Variants in ING4 observed in about 807,000 individuals in gnomAD.
ING4 encodes the protein inhibitor of growth family member 4.
In ING4, 28 loss-of-function variants were observed where a neutral mutation model predicts 33.1. The observed-to-expected ratio is 0.85, with a 90% confidence interval of 0.63 to 1.16. The LOEUF is 1.16. Ranked by LOEUF, ING4 falls within the 50% of genes most tolerant of loss-of-function variation. The pLI is 0.00. For missense variants in ING4, 247 were observed against 314.7 expected (o/e 0.78, Z 1.63); for synonymous variants, 87 against 104.4 (o/e 0.83, Z 1.02).
chr12:6,652,774 G>C lies in ING4; in HGVS notation c.392-7C>G. ...TTCTCCTTTTGAGTCCGGCCTTCTA[G>C]GGAAGAGGGAGAAAGCCAGAAGGCA... is the stretch of plus-strand genomic sequence containing the variant. On this transcript the variant is annotated splice_region_variant and splice_polypyrimidine_tract_variant and intron_variant, in intron 4 of 7. Coordinates refer to ENST00000341550, the MANE Select transcript of ING4 (RefSeq NM_016162.4). 6.2e-7 allele frequency: 1 copy of C among 1,613,566 alleles called. No individual in the cohort carries two copies. Among genetic ancestry groups the C allele is most frequent in the Non-Finnish European group, 8.5e-7 (1 of 1,179,630 alleles).
Position 6,659,462 on chromosome 12 carries a change from G to A in ING4, c.38-2664C>T, listed in dbSNP as rs146174641. 4.0e-3 allele frequency among the ~76,000 whole-genome samples: 612 copies of A among 151,916 alleles called. 3 individuals are homozygous for A. The highest frequency in any genetic ancestry group is 0.014 in the African/African-American group (573 of 41,408). On this transcript the variant is annotated intron_variant, in intron 1 of 7. Transcript: ENST00000341550. ...GTGGAGGTTGCAGTGAGCTGAGATC[G>A]CACCACTGCACTTCAGCCTGGGTGA...
intron 1 of ING4, among the ~76,000 whole-genome samples, chr12:6,659,826 A>AG: frequency 6.6e-6 from 1 of 151,778 alleles, no homozygotes; most frequent in East Asian, 1.9e-4. Flanking sequence ...AAAAAAAAAA[A>AG]AAAATAGATG....
chr12:6,656,167 T>G (rs149962987), intron 2 of ING4, among the ~76,000 whole-genome samples: 2 of 147,342 alleles, frequency 1.4e-5, no homozygotes, highest in Non-Finnish European at 3.0e-5. Context: ...TTTCTTTAAT[T>G]CTTCTTTTTT....
At chr12:6,659,965 A>G (rs1244685544) in intron 1 of ING4, among the ~76,000 whole-genome samples, 1 of 152,112 alleles carries the variant, frequency 6.6e-6, no homozygotes, top group Non-Finnish European at 1.5e-5. Context: ...AAAAAAATTA[A>G]AAAAAATAAT....
Position 6,660,691 on chromosome 12 carries a change from A to G in ING4, c.37+2374T>C, listed in dbSNP as rs1949520166. Among the ~76,000 whole-genome samples the G allele has an allele frequency of 5.3e-5, 8 of 152,340 alleles. No homozygotes were observed. In the South Asian group the frequency reaches 1.7e-3, roughly 32 times the overall value. Reference sequence around the variant, plus strand: ...CTCTACTGTTTAAACCTACAACTTCAGGTCTGCTACCACCAGTTCACAAGA... The same window carrying G: ...CTCTACTGTTTAAACCTACAACTTCGGGTCTGCTACCACCAGTTCACAAGA... On this transcript the variant is annotated intron_variant, in intron 1 of 7. Coordinates refer to ENST00000341550, the MANE Select transcript of ING4 (RefSeq NM_016162.4).
Position 6,650,779 on chromosome 12 carries a change from G to A in ING4, c.*416C>T, listed in dbSNP as rs1181077182. The A allele has an allele frequency of 5.6e-6, 1 of 177,960 alleles. No individual in the cohort carries two copies. Among genetic ancestry groups the A allele is most frequent in the Non-Finnish European group, 1.2e-5 (1 of 82,796 alleles). The allele number at this position is 177,960 out of a possible 1,614,324, so 11.0% of individuals were successfully genotyped here. A position where few individuals can be genotyped will look rare whatever the true frequency, so the allele number is the denominator to read the frequency against. On this transcript the variant is annotated 3_prime_UTR_variant, in exon 8 of 8. Coordinates refer to ENST00000341550, the MANE Select transcript of ING4 (RefSeq NM_016162.4). ...AAAAAAGCAGGAAGGGAATGGAGAA[G>A]AAAAGTGTTGATCACACCTAGCCCT...
At chr12:6,662,821 C>A (rs1490979578) in intron 1 of ING4, among the ~76,000 whole-genome samples, 3 of 152,148 alleles carry the variant, frequency 2.0e-5, no homozygotes, top group Non-Finnish European at 4.4e-5. Flanking sequence ...TGGCCATGCA[C>A]ACTAGCCCTT....
At chr12:6,653,756 T>C (rs545909628) in intron 2 of ING4, among the ~76,000 whole-genome samples, 1 of 152,350 alleles carries the variant, frequency 6.6e-6, no homozygotes, top group South Asian at 2.1e-4. Context: ...AGCCATTGTT[T>C]CCTTCTCAAA....
At chr12:6,652,198 G>T in intron 6 of ING4, 73 bp downstream of exon 6, 1 of 1,521,828 alleles carries the variant, frequency 6.6e-7, no homozygotes, top group South Asian at 1.2e-5. Context: ...ACTCAACTGT[G>T]GGATTTTCCC....
intron 1 of ING4, among the ~76,000 whole-genome samples, chr12:6,658,348 C>T (rs527552409): frequency 3.0e-4 from 46 of 152,144 alleles, no homozygotes; most frequent in Non-Finnish European, 5.6e-4. Context: ...ACACATAACA[C>T]TTCCAATCTA....
At chr12:6,652,240 AC>A in intron 6 of ING4, 30 bp downstream of exon 6, 2 of 1,606,100 alleles carry the variant, frequency 1.2e-6, no homozygotes, top group Non-Finnish European at 1.7e-6. Flanking sequence ...GCCCCTCACA[AC>A]CCCCCATCCT....
chr12:6,660,842 G>A (rs1364944419), intron 1 of ING4, among the ~76,000 whole-genome samples: 1 of 152,162 alleles, frequency 6.6e-6, no homozygotes, highest in Non-Finnish European at 1.5e-5. Flanking sequence ...TTGAGGTGTA[G>A]TGTCGCTCTT....
At chr12:6,662,873 C>G (rs1157306827) in intron 1 of ING4, among the ~76,000 whole-genome samples, 192 bp downstream of exon 1, 2 of 152,118 alleles carry the variant, frequency 1.3e-5, no homozygotes, top group Non-Finnish European at 2.9e-5. Context: ...CCTCCCTCGT[C>G]TACACCCATC....
chr12:6,659,274 G>A (rs1347772954), intron 1 of ING4, among the ~76,000 whole-genome samples: 1 of 152,058 alleles, frequency 6.6e-6, no homozygotes, highest in Non-Finnish European at 1.5e-5. Context: ...CAAAAATTAG[G>A]GCCAGGCACG....
chr12:6,661,420 T>G (rs1054376070), intron 1 of ING4, among the ~76,000 whole-genome samples: 17 of 148,132 alleles, frequency 1.1e-4, no homozygotes, highest in African/African-American at 4.3e-4. Flanking sequence ...TTTTTTTTTT[T>G]TTTTTTTTTG....
intron 1 of ING4, among the ~76,000 whole-genome samples, chr12:6,657,393 G>A (rs1949393932): frequency 6.6e-6 from 1 of 152,030 alleles, no homozygotes; most frequent in African/African-American, 2.4e-5. Flanking sequence ...AGTTTGCAGT[G>A]AGCCGAGATC....
rs772498435 is a variant in ING4 at position 6,651,146 on chromosome 12, C to T, written c.*49G>A. On this transcript the variant is annotated 3_prime_UTR_variant, in exon 8 of 8. Coordinates refer to ENST00000341550, the MANE Select transcript of ING4 (RefSeq NM_016162.4). ...CACAGGCATTCCTCTGCCCACTAGCCCAAGTCAGGGGATGTGGAAGAAACT... is the reference window on the plus strand; with the variant it reads ...CACAGGCATTCCTCTGCCCACTAGCTCAAGTCAGGGGATGTGGAAGAAACT... 8.1e-6 allele frequency: 13 copies of T among 1,605,396 alleles called. No homozygotes were observed.
At chr12:6,662,617 A>G (rs1471346144) in intron 1 of ING4, among the ~76,000 whole-genome samples, 2 of 152,194 alleles carry the variant, frequency 1.3e-5, no homozygotes, top group African/African-American at 4.8e-5. Flanking sequence ...GTTCTAGTTC[A>G]TCATCTGACA....
chr12:6,655,671 A>T, intron 2 of ING4: 1 of 1,048,544 alleles, frequency 9.5e-7, no homozygotes, highest in Non-Finnish European at 1.2e-6. Context: ...AACTGTGTCC[A>T]GGGTTTTTGA....
Sources: gnomAD v4.1 joint callset for allele counts (sites outside exome capture counted in the v4.1 genomes callset) on GRCh38, gnomAD v4.1.1 for gene constraint, MANE v1.5 for transcripts, NCBI Gene and HGNC (gene_info 2026-07-23, HGNC 2026-07-21) for gene names.